Variants in MYO9A observed in about 807,000 individuals in gnomAD.
MYO9A encodes the protein myosin IXA, also known as unconventional myosin-IXa.
MYO9A carries 103 observed loss-of-function variants against 293.3 expected under a neutral mutation model. That is an observed-to-expected ratio of 0.35 (90% CI 0.30 to 0.41). The LOEUF is 0.41. MYO9A is among the 10% of genes least tolerant of loss of function. The pLI is 1.00. For missense variants in MYO9A, 2,685 were observed against 3,033.0 expected (o/e 0.89, Z 2.69); for synonymous variants, 1,001 against 1,035.7 (o/e 0.97, Z 0.64).
chr15:72,097,499 ACAAAAGTTTCATGTGACTTG>A (rs146809522), intron 1 of MYO9A, among the ~76,000 whole-genome samples: 18,228 of 152,260 alleles, frequency 0.12, 1,504 homozygotes, highest in Non-Finnish European at 0.18. Flanking sequence ...CAATGGGAAA[ACAAAAGTTTCATGTGACTTG>A]CTCTACTGCA....
intron 18 of MYO9A, among the ~76,000 whole-genome samples, chr15:71,917,413 T>A (rs2058038950): frequency 6.6e-6 from 1 of 152,054 alleles, no homozygotes; most frequent in Non-Finnish European, 1.5e-5. Flanking sequence ...CACGTGCCTG[T>A]AGTCCCAGCT....
At chr15:72,049,719 C>A (rs2078496940) in intron 1 of MYO9A, among the ~76,000 whole-genome samples, 1 of 152,234 alleles carries the variant, frequency 6.6e-6, no homozygotes, top group African/African-American at 2.4e-5. Flanking sequence ...ACTGCATGCT[C>A]CTTATGAGAA....
At chr15:72,112,081 T>C (rs1465265849) in intron 1 of MYO9A, among the ~76,000 whole-genome samples, 4 of 152,132 alleles carry the variant, frequency 2.6e-5, no homozygotes, top group Non-Finnish European at 5.9e-5. Flanking sequence ...GATTCACAGA[T>C]ATAAAAGCCT....
At chr15:72,047,835 C>T (rs988569557) in intron 1 of MYO9A, among the ~76,000 whole-genome samples, 6 of 113,184 alleles carry the variant, frequency 5.3e-5, no homozygotes, top group African/African-American at 1.4e-4. Context: ...TAGAGTACAG[C>T]GGCATGATCT....
chr15:71,832,149 C>T (rs1295729377), intron 39 of MYO9A, among the ~76,000 whole-genome samples: 11 of 152,012 alleles, frequency 7.2e-5, no homozygotes, highest in African/African-American at 1.7e-4. Flanking sequence ...TGGTGGCATG[C>T]GCCTGTAGTC....
In MYO9A at chr15:72,046,497, C is replaced by T. The variant is rs1479805286; in HGVS notation, c.67G>A (p.Gly23Arg). The part of the protein sequence containing the change: ...DNEHTLRIYP[G>R]AISEGTIYCP... ...TAGATTGTCCCTTCTGAAATAGCCCCAGGATATATCCGTAATGTATGTTCA... is the reference window on the plus strand; with the variant it reads ...TAGATTGTCCCTTCTGAAATAGCCCTAGGATATATCCGTAATGTATGTTCA... The change falls in exon 2 of 42, where the codon GGG (glycine) becomes AGG (arginine). Residue 23 changes from glycine to arginine, a missense_variant. By Grantham distance (125) the Gly-to-Arg change is moderately radical. Around this residue, in one of 10 missense-constraint regions of MYO9A, gnomAD observed 67 missense variants for 63.2 expected, o/e 1.06. Coordinates refer to ENST00000356056, the MANE Select transcript of MYO9A (RefSeq NM_006901.4). The T allele has an allele frequency of 1.2e-6, 2 of 1,613,800 alleles. No individual in the cohort carries two copies. The highest frequency in any genetic ancestry group is 1.7e-6 in the Non-Finnish European group (2 of 1,179,972).
At chr15:72,012,820 A>G (rs1239420850) in intron 6 of MYO9A, among the ~76,000 whole-genome samples, 1 of 152,216 alleles carries the variant, frequency 6.6e-6, no homozygotes, top group African/African-American at 2.4e-5. Context: ...ATCTTCCCCG[A>G]AAGTGAATGG....
chr15:72,118,262 TC>T (rs981363981), upstream of MYO9A: 14 of 310,746 alleles, frequency 4.5e-5, no homozygotes, highest in African/African-American at 1.7e-4. Flanking sequence ...ACGCCCCCTT[TC>T]CTACGCCCCA....
chr15:72,108,093 G>A (rs11072346), intron 1 of MYO9A, among the ~76,000 whole-genome samples: 30,289 of 152,130 alleles, frequency 0.2, 3,275 homozygotes, highest in East Asian at 0.41. Context: ...CAAAAAAGAT[G>A]CTAAAATTAT....
intron 1 of MYO9A, among the ~76,000 whole-genome samples, chr15:72,051,613 C>T (rs932712385): frequency 6.6e-6 from 1 of 152,216 alleles, no homozygotes; most frequent in Non-Finnish European, 1.5e-5. Context: ...TCACTCCCAG[C>T]ACCCACTCCA....
At chr15:71,834,407 G>T (rs2054854068) in intron 39 of MYO9A, among the ~76,000 whole-genome samples, 1 of 152,040 alleles carries the variant, frequency 6.6e-6, no homozygotes, top group Admixed American at 6.6e-5. Context: ...AATTAAAAAA[G>T]AAACTATTCC....
At chr15:71,949,053 G>A (rs781547802) in intron 15 of MYO9A, among the ~76,000 whole-genome samples, 2 of 151,904 alleles carry the variant, frequency 1.3e-5, no homozygotes, top group Non-Finnish European at 2.9e-5. Flanking sequence ...TTATTCCCCT[G>A]TATTTAATAT....
intron 1 of MYO9A, among the ~76,000 whole-genome samples, chr15:72,096,137 T>TGAGTG (rs955431436): frequency 1.1e-4 from 14 of 132,986 alleles, no homozygotes; most frequent in African/African-American, 3.8e-4. Flanking sequence ...CTCTCCAGCC[T>TGAGTG]GAGTGACAGA....
In MYO9A at chr15:72,084,014, T is replaced by G. The variant is rs28801155; in HGVS notation, c.-72+33666A>C. On this transcript the variant is annotated intron_variant, in intron 1 of 41. Coordinates refer to ENST00000356056, the MANE Select transcript of MYO9A (RefSeq NM_006901.4). The stretch of plus-strand genomic sequence containing the variant: ...TCTGTAGATGTCTATTAGGTCCATC[T>G]GATCCAGTGCTGAGTTCAGGTCCTG... 5.6e-3 allele frequency among the ~76,000 whole-genome samples: 854 copies of G among 152,340 alleles called. 11 individuals carry two copies. Among genetic ancestry groups the G allele is most frequent in the African/African-American group, 0.019 (808 of 41,574 alleles).
At position 71,875,851 on chromosome 15, in the gene MYO9A, C is replaced by T. The variant is rs1433407336; in HGVS notation, c.5932-13G>A. 2.2e-6 allele frequency: 3 copies of T among 1,347,600 alleles called. No homozygotes were observed. The highest frequency in any genetic ancestry group is 1.5e-5 in the African/African-American group (1 of 65,878). 83.5% of individuals were successfully genotyped at this position (1,347,600 alleles called of 1,614,324 possible). A position where few individuals can be genotyped will look rare whatever the true frequency, so the allele number is the denominator to read the frequency against. ...CTGTTTTTGGCACCTGACAGGGGGA[C>T]AGGAGATATATGGAAATTGTGATAA... On this transcript the variant is annotated splice_polypyrimidine_tract_variant and intron_variant, in intron 31 of 41. Transcript: ENST00000356056.
At position 71,830,167 on chromosome 15, in the gene MYO9A, C is replaced by G; in HGVS notation, c.6982G>C (p.Ala2328Pro). ...AGTACTCTCTCCTCCTGCTGCATAG[C>G]TGCTTGCTGCTGTTCTGTGATGTCA... ...ETDITEQQQAAMQQEERVLTE... is the reference protein window; with the variant it reads ...ETDITEQQQAPMQQEERVLTE... The change falls in exon 40 of 42, where the codon GCT (alanine) becomes CCT (proline). Residue 2328 changes from alanine (A) to proline (P), a missense_variant. By Grantham distance (27) the Ala-to-Pro change is conservative (BLOSUM62 -1). This residue lies in a region of MYO9A where 350 missense variants were observed against 328.9 expected (regional missense o/e 1.06). Transcript: ENST00000356056. 1 of 1,614,160 alleles carries G rather than the reference C, an allele frequency of 6.2e-7. No individual in the cohort carries two copies. The highest frequency in any genetic ancestry group is 8.5e-7 in the Non-Finnish European group (1 of 1,180,002).
chr15:71,913,826 T>C (rs774428015), intron 19 of MYO9A, among the ~76,000 whole-genome samples: 4 of 152,186 alleles, frequency 2.6e-5, no homozygotes, highest in Non-Finnish European at 5.9e-5. Context: ...TAGGACTATT[T>C]TGGTCCCATT....
intron 8 of MYO9A, among the ~76,000 whole-genome samples, chr15:72,002,875 C>T (rs1468519995): frequency 6.6e-6 from 1 of 152,052 alleles, no homozygotes; most frequent in Non-Finnish European, 1.5e-5. Flanking sequence ...GTGCTGGCAA[C>T]ATTTCATAAC....
In MYO9A at chr15:71,880,430, C is replaced by T. The variant is rs374924120; in HGVS notation, c.5527G>A (p.Val1843Met). Residue 1843 changes from valine to methionine, a missense_variant, in exon 29 of 42, where the codon GTG becomes ATG. Val to Met is a conservative substitution (Grantham distance 21). Coordinates refer to ENST00000356056, the MANE Select transcript of MYO9A (RefSeq NM_006901.4). ...KRKRSVKISN[V>M]ALDSMHWQND... ...TGCCAATGCATAGAATCCAAAGCCACGTTGCTAATCTTCACACTTCGCTTG... is the reference window on the plus strand; with the variant it reads ...TGCCAATGCATAGAATCCAAAGCCATGTTGCTAATCTTCACACTTCGCTTG... 3.8e-5 allele frequency: 62 copies of T among 1,614,102 alleles called. No individual in the cohort carries two copies. Among genetic ancestry groups the T allele is most frequent in the Non-Finnish European group, 4.6e-5 (54 of 1,180,034 alleles).
Sources: allele counts gnomAD v4.1 joint callset (sites outside exome capture counted in the v4.1 genomes callset), GRCh38; gene constraint gnomAD v4.1.1; regional missense constraint gnomAD v4.1.1; transcripts MANE v1.5; gene names NCBI Gene and HGNC (gene_info 2026-07-23, HGNC 2026-07-21).